The following RNGTT variants were observed in gnomAD, a reference collection of about 807,000 sequenced individuals.
RNGTT encodes RNA guanylyltransferase and 5'-phosphatase.
Under a neutral mutation model 79.3 loss-of-function variants are expected in RNGTT, and 33 were observed. That is an observed-to-expected ratio of 0.42 (90% confidence interval 0.32 to 0.56). The LOEUF is 0.56. RNGTT is among the 20% of genes least tolerant of loss of function. RNGTT has a pLI of 0.17. For synonymous variants in RNGTT, 222 were observed against 235.9 expected (o/e 0.94, Z 0.54); for missense variants, 497 against 739.1 (o/e 0.67, Z 3.80).
chr6:88,949,521 C>T (rs1030639707), intron 1 of RNGTT, among the ~76,000 whole-genome samples: 1 of 152,204 alleles, frequency 6.6e-6, no homozygotes, highest in African/African-American at 2.4e-5. Context: ...CTCGGCCTCC[C>T]AAAGTGCTGG....
At chr6:88,683,948 A>C (rs534673579) in intron 13 of RNGTT, among the ~76,000 whole-genome samples, 5 of 151,414 alleles carry the variant, frequency 3.3e-5, no homozygotes, top group African/African-American at 9.8e-5. Flanking sequence ...CCATGAGTTA[A>C]AGGTTACAGT....
intron 1 of RNGTT, among the ~76,000 whole-genome samples, chr6:88,952,352 C>T (rs7753912): frequency 0.64 from 97,607 of 152,010 alleles, 32,790 homozygotes; most frequent in African/African-American, 0.85. Flanking sequence ...TTGCTGAACA[C>T]AAAAGACAGA....
At chr6:88,631,583 G>A (rs2127769469) in intron 14 of RNGTT, among the ~76,000 whole-genome samples, 1 of 152,318 alleles carries the variant, frequency 6.6e-6, no homozygotes, top group East Asian at 1.9e-4. Flanking sequence ...TTTGTGACAA[G>A]TAGCCCATAT....
intron 13 of RNGTT, among the ~76,000 whole-genome samples, chr6:88,692,615 G>C (rs914435612): frequency 6.6e-6 from 1 of 151,978 alleles, no homozygotes; most frequent in African/African-American, 2.4e-5. Flanking sequence ...AGAAGGGAGT[G>C]AGGATATGAA....
At chr6:88,701,451 T>C (rs1241438161) in intron 13 of RNGTT, among the ~76,000 whole-genome samples, 1 of 152,124 alleles carries the variant, frequency 6.6e-6, no homozygotes, top group African/African-American at 2.4e-5. Flanking sequence ...TATATGCGTG[T>C]GTATATTTAT....
intron 12 of RNGTT, among the ~76,000 whole-genome samples, chr6:88,787,962 T>C (rs1779285747): frequency 6.6e-6 from 1 of 152,238 alleles, no homozygotes; most frequent in Admixed American, 6.5e-5. Context: ...TTTGTATGTC[T>C]GCTTATTTGA....
At chr6:88,819,256 C>T (rs1396969099) in intron 11 of RNGTT, among the ~76,000 whole-genome samples, 1 of 151,754 alleles carries the variant, frequency 6.6e-6, no homozygotes, top group Non-Finnish European at 1.5e-5. Flanking sequence ...CCTAACTGAA[C>T]TATAGAAAAG....
intron 14 of RNGTT, among the ~76,000 whole-genome samples, chr6:88,644,702 G>A (rs1467214103): frequency 2.0e-5 from 3 of 152,112 alleles, no homozygotes; most frequent in Non-Finnish European, 2.9e-5. Context: ...TTCAACATAC[G>A]CTAATCAATA....
chr6:88,739,417 C>T (rs1396720437), intron 13 of RNGTT, among the ~76,000 whole-genome samples: 1 of 151,842 alleles, frequency 6.6e-6, no homozygotes, highest in African/African-American at 2.4e-5. Flanking sequence ...TTTCCTGTAA[C>T]ACTAAAGAAA....
At chr6:88,647,811 T>C (rs575226512) in intron 14 of RNGTT, among the ~76,000 whole-genome samples, 1 of 151,604 alleles carries the variant, frequency 6.6e-6, no homozygotes, top group Admixed American at 6.6e-5. Flanking sequence ...AATCAATCTG[T>C]TCTATTTTTC....
intron 13 of RNGTT, among the ~76,000 whole-genome samples, chr6:88,764,490 AG>A (rs1190637536): frequency 6.6e-6 from 1 of 152,240 alleles, no homozygotes; most frequent in African/African-American, 2.4e-5. Flanking sequence ...AAACACATAC[AG>A]GAAGACACAT....
intron 13 of RNGTT, among the ~76,000 whole-genome samples, chr6:88,713,340 G>A (rs1361674326): frequency 6.6e-6 from 1 of 152,120 alleles, no homozygotes; most frequent in Non-Finnish European, 1.5e-5. Flanking sequence ...ACTATGAAAA[G>A]TAGGTATCTG....
chr6:88,674,273 C>A (rs1467270782), intron 14 of RNGTT, among the ~76,000 whole-genome samples: 1 of 152,158 alleles, frequency 6.6e-6, no homozygotes, highest in Non-Finnish European at 1.5e-5. Context: ...GGTGGCCAGG[C>A]ATGGTGGCTC....
intron 4 of RNGTT, among the ~76,000 whole-genome samples, chr6:88,916,130 T>C (rs927921146): frequency 9.2e-5 from 14 of 152,208 alleles, no homozygotes; most frequent in African/African-American, 2.7e-4. Context: ...CCTGAGGATG[T>C]AGAGGAACTG....
At chr6:88,880,513 A>C (rs1258134588) in intron 8 of RNGTT, among the ~76,000 whole-genome samples, 3 of 152,172 alleles carry the variant, frequency 2.0e-5, no homozygotes, top group Non-Finnish European at 4.4e-5. Flanking sequence ...TGTAAGTCAA[A>C]AGATATAAAT....
chr6:88,687,024 A>G (rs1410410892), intron 13 of RNGTT, among the ~76,000 whole-genome samples: 8 of 152,156 alleles, frequency 5.3e-5, no homozygotes, highest in Non-Finnish European at 1.5e-5. Flanking sequence ...AAGTCAAAAG[A>G]TAACTGACAA....
intron 11 of RNGTT, among the ~76,000 whole-genome samples, chr6:88,833,135 T>C (rs770193786): frequency 6.6e-6 from 1 of 152,174 alleles, no homozygotes; most frequent in Non-Finnish European, 1.5e-5. Context: ...GTATGTTTAT[T>C]GCAGCACTAT....
At chr6:88,795,611 C>T (rs1389892993) in intron 12 of RNGTT, among the ~76,000 whole-genome samples, 1 of 152,034 alleles carries the variant, frequency 6.6e-6, no homozygotes, top group African/African-American at 2.4e-5. Flanking sequence ...TGCAGGAAAC[C>T]ACCATGGCAC....
intron 13 of RNGTT, among the ~76,000 whole-genome samples, chr6:88,707,498 TC>T: frequency 6.6e-6 from 1 of 152,166 alleles, no homozygotes; most frequent in Middle Eastern, 3.4e-3. Context: ...TACACTTGGT[TC>T]TTTGTGCTTT....
Sources: gnomAD v4.1 joint callset for allele counts (sites outside exome capture counted in the v4.1 genomes callset) on GRCh38, gnomAD v4.1.1 for gene constraint, MANE v1.5 for transcripts, NCBI Gene and HGNC (gene_info 2026-07-23, HGNC 2026-07-21) for gene names.